The following FAM20C variants were observed in gnomAD, a reference collection of about 807,000 sequenced individuals.
The protein encoded by FAM20C is FAM20C golgi associated secretory pathway kinase.
A neutral mutation model predicts 51.5 loss-of-function variants in FAM20C; 40 were observed. The observed-to-expected ratio is 0.78, with a 90% confidence interval of 0.60 to 1.01. FAM20C has a LOEUF of 1.01. Ranked by LOEUF, FAM20C falls within the 50% of genes least tolerant of loss-of-function variation. FAM20C has a pLI of 0.00. For synonymous variants in FAM20C, 406 were observed against 380.6 expected (o/e 1.07, Z -0.78); for missense variants, 861 against 844.7 (o/e 1.02, Z -0.24).
chr7:245,551 G>T (rs369300130), intron 3 of FAM20C, among the ~76,000 whole-genome samples: 579 of 152,274 alleles, frequency 3.8e-3, no homozygotes, highest in Non-Finnish European at 6.4e-3. Flanking sequence ...CGGCCTTGGT[G>T]GGGGAAGCAT....
chr7:258,272 G>T (rs371785763), intron 8 of FAM20C, among the ~76,000 whole-genome samples: 46 of 81,240 alleles, frequency 5.7e-4, no homozygotes, highest in East Asian at 1.5e-3. Context: ...AGATAGGCAG[G>T]GTGGACCCAC....
At chr7:246,319 T>A in intron 3 of FAM20C, 96 bp from the exon 4 acceptor site, 1 of 1,062,586 alleles carries the variant, frequency 9.4e-7, no homozygotes, top group Non-Finnish European at 1.4e-6. Flanking sequence ...CTCCACCGCA[T>A]TTTTCATATG....
chr7:246,894 G>T (rs974267341), intron 4 of FAM20C, among the ~76,000 whole-genome samples: 3 of 152,176 alleles, frequency 2.0e-5, no homozygotes, highest in Non-Finnish European at 4.4e-5. Flanking sequence ...CTCTGTCACC[G>T]AGGGAGAGGG....
At chr7:199,854 A>G (rs1431861227) in intron 2 of FAM20C, among the ~76,000 whole-genome samples, 13 of 152,358 alleles carry the variant, frequency 8.5e-5, no homozygotes. Flanking sequence ...GATGCAAAGA[A>G]TGAATGACAT....
intron 3 of FAM20C, chr7:228,538 G>C (rs1048439746): frequency 1.1e-5 from 5 of 456,108 alleles, no homozygotes; most frequent in African/African-American, 4.0e-5. Context: ...GGGGGCTGTG[G>C]AGGGTGGAAG....
intron 3 of FAM20C, among the ~76,000 whole-genome samples, chr7:234,597 G>T (rs1366716589): frequency 6.6e-6 from 1 of 152,184 alleles, no homozygotes; most frequent in Admixed American, 6.5e-5. Context: ...CTGCTGCATG[G>T]GGTCTGTGGT....
intron 3 of FAM20C, chr7:228,888 T>G (rs759007812): frequency 3.8e-4 from 167 of 441,358 alleles, no homozygotes; most frequent in Admixed American, 1.2e-3. Flanking sequence ...ACGCTGGGGA[T>G]TCCTCCTCCT....
At chr7:245,720 C>T (rs567199031) in intron 3 of FAM20C, among the ~76,000 whole-genome samples, 1 of 152,344 alleles carries the variant, frequency 6.6e-6, no homozygotes, top group South Asian at 2.1e-4. Flanking sequence ...CAGGGCCCTG[C>T]GGCTAGGCTC....
chr7:228,263 G>A, intron 3 of FAM20C: 1 of 348,332 alleles, frequency 2.9e-6, no homozygotes, highest in South Asian at 2.2e-5. Flanking sequence ...CCCTGCCCTG[G>A]GCAGGGTCTT....
At chr7:245,279 G>A (rs959775556) in intron 3 of FAM20C, among the ~76,000 whole-genome samples, 3 of 144,932 alleles carry the variant, frequency 2.1e-5, no homozygotes, top group African/African-American at 8.0e-5. Context: ...CAGGGCGTGC[G>A]AGCTGGGGAT....
chr7:252,675 C>A (rs1481221618), intron 5 of FAM20C, among the ~76,000 whole-genome samples: 1 of 152,232 alleles, frequency 6.6e-6, no homozygotes, highest in Non-Finnish European at 1.5e-5. Context: ...AAGGCCAGTG[C>A]TCGGGGAAGG....
intron 3 of FAM20C, among the ~76,000 whole-genome samples, chr7:223,904 C>G (rs1787348601): frequency 6.6e-6 from 1 of 152,214 alleles, no homozygotes. Flanking sequence ...GACGAGGAGG[C>G]TGAATGGGTG....
chr7:243,100 C>T (rs1583326202), intron 3 of FAM20C, among the ~76,000 whole-genome samples: 1 of 129,470 alleles, frequency 7.7e-6, no homozygotes, highest in East Asian at 2.3e-4. Context: ...CCTGTGCCAC[C>T]CGGGAGACCT....
chr7:205,924 C>T (rs570523006), intron 2 of FAM20C, among the ~76,000 whole-genome samples: 2 of 152,214 alleles, frequency 1.3e-5, no homozygotes, highest in South Asian at 2.1e-4. Context: ...CAGTTCTTCC[C>T]GTCTGAAGGG....
chr7:236,397 C>T (rs1787848883), intron 3 of FAM20C, among the ~76,000 whole-genome samples: 1 of 152,222 alleles, frequency 6.6e-6, no homozygotes, highest in Non-Finnish European at 1.5e-5. Flanking sequence ...AGCCACCTGG[C>T]TCTGAGAAGC....
At chr7:258,785 C>T (rs1247823453) in intron 9 of FAM20C, 80 bp downstream of exon 9, 1 of 1,328,154 alleles carries the variant, frequency 7.5e-7, no homozygotes, top group Non-Finnish European at 1.0e-6. Flanking sequence ...CAGCCTTCCC[C>T]ACCCCACCCC....
chr7:219,683 CCTGCCAGGCAGGGA>C lies in FAM20C; in HGVS notation c.863+10709_863+10722del, dbSNP rs1787163685. ...GTCCTGCAGAGACTCCTGGGTGAAT[CCTGCCAGGCAGGGA>C]CCTGGCCTCCAGGGCCGGGGTAAGG... On this transcript the variant is annotated intron_variant, in intron 3 of 9. Transcript: ENST00000313766. Among the ~76,000 whole-genome samples the C allele has an allele frequency of 3.3e-5, 5 of 152,294 alleles. No individual in the cohort carries two copies. In the South Asian group the frequency reaches 1.0e-3, roughly 32 times the overall value.
Position 244,984 on chromosome 7 carries a change from T to C in FAM20C, c.864-1431T>C, listed in dbSNP as rs148203458. Reference sequence around the variant, plus strand: ...AGGACGGGAGCCACGGGCTGGTGTGTAATTGACGGCCTGTGACCCAGACGT... The same window carrying C: ...AGGACGGGAGCCACGGGCTGGTGTGCAATTGACGGCCTGTGACCCAGACGT... On this transcript the variant is annotated intron_variant, in intron 3 of 9. Transcript: ENST00000313766. 9.0e-3 allele frequency among the ~76,000 whole-genome samples: 1,376 copies of C among 152,328 alleles called. 7 individuals are homozygous for C. Among genetic ancestry groups the C allele is most frequent in the Middle Eastern group, 0.048 (14 of 294 alleles).
chr7:199,881 G>A (rs1163704636), intron 2 of FAM20C, among the ~76,000 whole-genome samples: 1 of 152,218 alleles, frequency 6.6e-6, no homozygotes, highest in Non-Finnish European at 1.5e-5. Flanking sequence ...GGCATGTGAG[G>A]ATTCGGGCAG....
Sources: allele counts gnomAD v4.1 joint callset (sites outside exome capture counted in the v4.1 genomes callset), GRCh38; gene constraint gnomAD v4.1.1; transcripts MANE v1.5; gene names NCBI Gene and HGNC (gene_info 2026-07-23, HGNC 2026-07-21).